Variants in SNTG1 observed in about 807,000 individuals in gnomAD.
SNTG1 encodes gamma-1-syntrophin.
Under a neutral mutation model 74.7 loss-of-function variants are expected in SNTG1, and 39 were observed. The observed-to-expected ratio is 0.52, with a 90% CI of 0.40 to 0.68. The LOEUF (loss-of-function observed/expected upper bound fraction) is 0.68, where lower values mean the gene tolerates loss of function less well. Among genes scored for constraint, SNTG1 ranks in the 30% least tolerant of loss-of-function variants. The pLI, the probability that SNTG1 is intolerant of heterozygous loss-of-function variation, is 0.00. For synonymous variants in SNTG1, 254 were observed against 217.1 expected, an observed-to-expected ratio of 1.17 and a Z score of -1.49; for missense variants, 685 against 609.5, an observed-to-expected ratio of 1.12 and a Z score of -1.30.
intron 2 of SNTG1, among the ~76,000 whole-genome samples, chr8:50,287,889 C>G (rs77786196): frequency 0.072 from 10,598 of 147,546 alleles, 411 homozygotes; most frequent in African/African-American, 0.086. Flanking sequence ...TTACTGTGTC[C>G]TTTCCACCCC....
chr8:49,934,304 T>TATCTATC (rs1807858085), intron 1 of SNTG1, among the ~76,000 whole-genome samples: 1 of 149,932 alleles, frequency 6.7e-6, no homozygotes, highest in Non-Finnish European at 1.5e-5. Flanking sequence ...TCTATCTATC[T>TATCTATC]ATCTATCTAT....
intron 18 of SNTG1, among the ~76,000 whole-genome samples, chr8:50,769,668 G>T (rs941744197): frequency 6.6e-6 from 1 of 151,944 alleles, no homozygotes; most frequent in Non-Finnish European, 1.5e-5. Flanking sequence ...CCCCAAGTAA[G>T]TTTCTTAACT....
At chr8:50,229,859 AT>A (rs1016435658) in intron 2 of SNTG1, among the ~76,000 whole-genome samples, 14 of 151,664 alleles carry the variant, frequency 9.2e-5, no homozygotes, top group African/African-American at 3.1e-4. Flanking sequence ...CATATTTAAA[AT>A]AACAGAAATC....
At chr8:50,378,741 G>T (rs918923904) in intron 2 of SNTG1, among the ~76,000 whole-genome samples, 3 of 151,706 alleles carry the variant, frequency 2.0e-5, no homozygotes, top group Non-Finnish European at 4.4e-5. Flanking sequence ...CAGACAGGTT[G>T]TCCCAAGAAG....
At chr8:50,429,417 A>G (rs2093206011) in intron 4 of SNTG1, among the ~76,000 whole-genome samples, 1 of 152,172 alleles carries the variant, frequency 6.6e-6, no homozygotes, top group South Asian at 2.1e-4. Flanking sequence ...TTCTGGGACA[A>G]CTGAATATTT....
chr8:50,458,161 G>C (rs2093525031), intron 8 of SNTG1: 1 of 148,774 alleles, frequency 6.7e-6, no homozygotes, highest in Admixed American at 6.7e-5. Context: ...ATTAAGATTT[G>C]AAGAAAATCA....
At chr8:50,233,565 C>T (rs946646638) in intron 2 of SNTG1, among the ~76,000 whole-genome samples, 1 of 151,498 alleles carries the variant, frequency 6.6e-6, no homozygotes, top group African/African-American at 2.4e-5. Flanking sequence ...AAACATCAAT[C>T]AAAAATCAAT....
chr8:50,235,264 T>C (rs1586794090), intron 2 of SNTG1, among the ~76,000 whole-genome samples: 1 of 152,012 alleles, frequency 6.6e-6, no homozygotes, highest in African/African-American at 2.4e-5. Context: ...TACTCTGTCA[T>C]AAAAGGAAGG....
chr8:50,038,695 A>T (rs1818366660), intron 1 of SNTG1, among the ~76,000 whole-genome samples: 3 of 152,208 alleles, frequency 2.0e-5, no homozygotes, highest in Admixed American at 2.0e-4. Flanking sequence ...GGATAATTCT[A>T]GACACAAAAA....
chr8:50,698,114 T>C (rs2095411386), intron 15 of SNTG1, among the ~76,000 whole-genome samples: 1 of 152,174 alleles, frequency 6.6e-6, no homozygotes, highest in Non-Finnish European at 1.5e-5. Context: ...TTTTATTGGA[T>C]TTTAAATCCA....
chr8:50,652,914 A>G (rs988143732), intron 13 of SNTG1, among the ~76,000 whole-genome samples: 1 of 151,990 alleles, frequency 6.6e-6, no homozygotes, highest in Non-Finnish European at 1.5e-5. Flanking sequence ...ATCATTATTA[A>G]AAGTCCTTTT....
intron 18 of SNTG1, among the ~76,000 whole-genome samples, chr8:50,777,198 G>A (rs1019499633): frequency 2.8e-5 from 4 of 144,716 alleles, no homozygotes; most frequent in Non-Finnish European, 4.5e-5. Flanking sequence ...TCATTTTTTG[G>A]ACTCTGAAGA....
chr8:49,980,289 A>G (rs1401241188), intron 1 of SNTG1, among the ~76,000 whole-genome samples: 1 of 152,096 alleles, frequency 6.6e-6, no homozygotes, highest in Non-Finnish European at 1.5e-5. Context: ...AAAGAAATCA[A>G]ATGTTTGGCC....
intron 1 of SNTG1, among the ~76,000 whole-genome samples, chr8:49,945,047 T>A (rs1353549064): frequency 1.3e-5 from 2 of 152,208 alleles, no homozygotes; most frequent in Non-Finnish European, 2.9e-5. Flanking sequence ...ACTGATTTTT[T>A]AATGTATTTG....
At chr8:50,258,332 A>G (rs539282808) in intron 2 of SNTG1, among the ~76,000 whole-genome samples, 1 of 152,338 alleles carries the variant, frequency 6.6e-6, no homozygotes, top group South Asian at 2.1e-4. Flanking sequence ...TTTAATGTGT[A>G]TACAAATAAA....
chr8:50,754,265 A>G (rs2095574689), intron 18 of SNTG1, among the ~76,000 whole-genome samples: 1 of 151,992 alleles, frequency 6.6e-6, no homozygotes, highest in Non-Finnish European at 1.5e-5. Flanking sequence ...TAAAATGCCA[A>G]ATTATATTCT....
chr8:50,366,959 G>A (rs558961884), intron 2 of SNTG1, among the ~76,000 whole-genome samples: 14 of 147,946 alleles, frequency 9.5e-5, no homozygotes, highest in Non-Finnish European at 1.9e-4. Context: ...CTATAAGGAC[G>A]CAAATAGTAA....
At chr8:50,254,007 G>T (rs1397271241) in intron 2 of SNTG1, among the ~76,000 whole-genome samples, 1 of 152,138 alleles carries the variant, frequency 6.6e-6, no homozygotes, top group Non-Finnish European at 1.5e-5. Context: ...ATAGTTAACA[G>T]TAAGGTATTA....
chr8:50,099,514 T>C (rs537627802), intron 1 of SNTG1, among the ~76,000 whole-genome samples: 1 of 152,240 alleles, frequency 6.6e-6, no homozygotes, highest in African/African-American at 2.4e-5. Context: ...TATCCAGAGG[T>C]AGGATTCCTG....
Sources: gnomAD v4.1 joint callset for allele counts (sites outside exome capture counted in the v4.1 genomes callset) on GRCh38, gnomAD v4.1.1 for gene constraint, MANE v1.5 for transcripts, NCBI Gene and HGNC (gene_info 2026-07-23, HGNC 2026-07-21) for gene names.